CCDC33: variants seen among roughly 807,000 people sequenced by gnomAD.
The protein encoded by CCDC33 is coiled-coil domain-containing protein 33.
CCDC33 carries 94 observed loss-of-function variants against 91.9 expected under a neutral mutation model. That is an observed-to-expected ratio of 1.02 (90% CI 0.87 to 1.21). The LOEUF is 1.21. Among genes scored for constraint, CCDC33 ranks in the 50% most tolerant of loss-of-function variants. The pLI, the probability that CCDC33 is intolerant of heterozygous loss-of-function variation, is 0.00. For synonymous variants in CCDC33, 396 were observed against 374.5 expected, an observed-to-expected ratio of 1.06 and a Z score of -0.66; for missense variants, 940 against 935.5, an observed-to-expected ratio of 1.00 and a Z score of -0.06.
chr15:74,250,212 C>A (rs2075661706), intron 2 of CCDC33, among the ~76,000 whole-genome samples: 1 of 152,164 alleles, frequency 6.6e-6, no homozygotes. Flanking sequence ...TACTCTTGCT[C>A]CCTGAAGATC....
chr15:74,263,981 T>G (rs1363085445), intron 3 of CCDC33, among the ~76,000 whole-genome samples: 1 of 151,900 alleles, frequency 6.6e-6, no homozygotes, highest in Non-Finnish European at 1.5e-5. Flanking sequence ...GATCCTGCCC[T>G]GGGCTCTACA....
intron 7 of CCDC33, among the ~76,000 whole-genome samples, chr15:74,278,393 G>C (rs1377418543): frequency 1.3e-5 from 2 of 152,262 alleles, no homozygotes; most frequent in African/African-American, 4.8e-5. Context: ...GCAGGAGGTG[G>C]GAGCGGCTGC....
intron 2 of CCDC33, among the ~76,000 whole-genome samples, chr15:74,246,835 A>G (rs1463487042): frequency 6.6e-6 from 1 of 152,250 alleles, no homozygotes; most frequent in East Asian, 1.9e-4. Flanking sequence ...TATCCAAAGG[A>G]AACAAAATCA....
intron 10 of CCDC33, among the ~76,000 whole-genome samples, chr15:74,286,833 G>C (rs1388952534): frequency 6.6e-6 from 1 of 152,104 alleles, no homozygotes; most frequent in Non-Finnish European, 1.5e-5. Flanking sequence ...TTTGAGGAGA[G>C]GTGGCAGTGG....
chr15:74,264,452 C>T (rs916734971), intron 3 of CCDC33, among the ~76,000 whole-genome samples: 3 of 152,112 alleles, frequency 2.0e-5, no homozygotes, highest in Non-Finnish European at 4.4e-5. Flanking sequence ...GTCCATTACC[C>T]CCAATTCCAG....
intron 10 of CCDC33, among the ~76,000 whole-genome samples, chr15:74,282,587 C>G (rs2059390126): frequency 6.6e-6 from 1 of 152,206 alleles, no homozygotes; most frequent in Non-Finnish European, 1.5e-5. Context: ...TAATCATCTT[C>G]CTATCTTAAA....
chr15:74,292,865 C>T (rs144012442), intron 10 of CCDC33, among the ~76,000 whole-genome samples: 1,963 of 152,270 alleles, frequency 0.013, 21 homozygotes, highest in Non-Finnish European at 0.018. Context: ...CCTCCTTCCC[C>T]GAGCCCACCC....
chr15:74,259,258 T>G (rs2075958208), intron 2 of CCDC33, among the ~76,000 whole-genome samples: 1 of 151,574 alleles, frequency 6.6e-6, no homozygotes, highest in Admixed American at 6.6e-5. Flanking sequence ...GGGAAGCAGG[T>G]CTTGGTGAGG....
At chr15:74,232,620 T>C (rs2075014796), upstream of CCDC33, among the ~76,000 whole-genome samples, 1 of 152,196 alleles carries the variant, frequency 6.6e-6, no homozygotes, top group Non-Finnish European at 1.5e-5. Context: ...GTGGGAAATG[T>C]AGGCAGTGTG....
At chr15:74,322,012 G>A (rs1179141362) in intron 11 of CCDC33, among the ~76,000 whole-genome samples, 1 of 152,148 alleles carries the variant, frequency 6.6e-6, no homozygotes, top group Non-Finnish European at 1.5e-5. Flanking sequence ...CAGAAGGCTG[G>A]GCCCATGGGT....
intron 10 of CCDC33, among the ~76,000 whole-genome samples, chr15:74,285,806 G>C (rs1364454224): frequency 6.6e-6 from 1 of 152,196 alleles, no homozygotes; most frequent in African/African-American, 2.4e-5. Context: ...TGGCTTGTGT[G>C]TGTAGGTGAG....
chr15:74,271,083 G>T (rs1264495844), intron 5 of CCDC33, among the ~76,000 whole-genome samples: 1 of 152,162 alleles, frequency 6.6e-6, no homozygotes, highest in Non-Finnish European at 1.5e-5. Context: ...AACCAGCAAG[G>T]CAGGAGAGCA....
chr15:74,225,039 A>G (rs1052548735), intron 2 of CCDC33, among the ~76,000 whole-genome samples: 2 of 152,006 alleles, frequency 1.3e-5, no homozygotes, highest in African/African-American at 4.8e-5. Flanking sequence ...AACACACCAG[A>G]TGGCCCTGCT....
At chr15:74,280,980 G>A (rs1048836000) in intron 9 of CCDC33, among the ~76,000 whole-genome samples, 179 bp downstream of exon 9, 3 of 152,228 alleles carry the variant, frequency 2.0e-5, no homozygotes, top group African/African-American at 7.2e-5. Context: ...AACCCCAGAA[G>A]CCAGTCTTGC....
intron 11 of CCDC33, among the ~76,000 whole-genome samples, chr15:74,324,089 CAAAAA>C (rs55758894): frequency 4.2e-5 from 3 of 72,092 alleles, no homozygotes; most frequent in African/African-American, 1.5e-4. Context: ...GACTCCATCT[CAAAAA>C]AAAAAAAAAA....
rs115677533 is a variant in CCDC33, at chr15:74,263,792, G to A, written c.319+1219G>A. Among the ~76,000 whole-genome samples the A allele has an allele frequency of 5.2e-3, 790 of 152,284 alleles. 6 individuals are homozygous for A. Among genetic ancestry groups the A allele is most frequent in the African/African-American group, 0.018 (749 of 41,540 alleles). ...CTGTGTGTCTTATGTGTGTGTGCGC[G>A]TGGGTGTGTCTAGCTGCAACAGTGT... On this transcript the variant is annotated intron_variant, in intron 3 of 18. Transcript: ENST00000398814.
At chr15:74,336,370 GA>G, downstream of CCDC33, 1 of 1,336,722 alleles carries the variant, frequency 7.5e-7, no homozygotes, top group East Asian at 4.5e-5. Flanking sequence ...ACCCGGAGAA[GA>G]AGCAAGGCCA....
At chr15:74,278,748 G>T (rs1229267547) in intron 7 of CCDC33, among the ~76,000 whole-genome samples, 4 of 152,236 alleles carry the variant, frequency 2.6e-5, no homozygotes, top group African/African-American at 9.6e-5. Context: ...CTTTAAGGAG[G>T]CTTTTCTGAC....
Position 74,222,197 on chromosome 15 carries a change from A to G in CCDC33, c.675+3336A>G, listed in dbSNP as rs1361333308. On this transcript the variant is annotated intron_variant, in intron 2 of 2. Coordinates refer to the CCDC33 transcript ENST00000635913. ...CTTCTGGTACCTCACTGCCCTCTCC[A>G]AGAGATCCCTGAAAGTCTACTGACA... Among the ~76,000 whole-genome samples the G allele has an allele frequency of 2.0e-5, 3 of 152,190 alleles. No homozygotes were observed. In the East Asian group the frequency reaches 5.8e-4, roughly 29 times the overall value.
Sources: gnomAD v4.1 joint callset for allele counts (sites outside exome capture counted in the v4.1 genomes callset) on GRCh38, gnomAD v4.1.1 for gene constraint, MANE v1.5 for transcripts, NCBI Gene and HGNC (gene_info 2026-07-23, HGNC 2026-07-21) for gene names.